GNA12: variants seen among roughly 807,000 people sequenced by gnomAD.
GNA12 encodes G protein subunit alpha 12.
GNA12 carries 9 observed loss-of-function variants against 26.0 expected under a neutral mutation model. That is an observed-to-expected ratio of 0.35 (90% CI 0.21 to 0.60). GNA12 has a LOEUF of 0.60. GNA12 is among the 20% of genes least tolerant of loss of function. GNA12 has a pLI of 0.78. For synonymous variants in GNA12, 264 were observed against 219.6 expected, an observed-to-expected ratio of 1.20 and a Z score of -1.79; for missense variants, 405 against 525.8, an observed-to-expected ratio of 0.77 and a Z score of 2.25.
Position 2,780,048 on chromosome 7 carries a change from G to GTGTATATATATATATATA in GNA12, c.525+14879_525+14880insTATATATATATATATACA, listed in dbSNP as rs748113158. On this transcript the variant is annotated intron_variant, in intron 2 of 3. Transcript: ENST00000275364. The stretch of plus-strand genomic sequence containing the variant: ...GTACTAGTTTTTTACACATTTCTGT[G>GTGTATATATATATATATA]TACATATATATATATATATATATAT... Among the ~76,000 whole-genome samples the GTGTATATATATATATATA allele has an allele frequency of 2.6e-3, 224 of 84,652 alleles. 9 individuals are homozygous for GTGTATATATATATATATA. The highest frequency in any genetic ancestry group is 7.5e-3 in the Middle Eastern group (1 of 134). The allele number at this position is 84,652 out of a possible 152,430, so 55.5% of individuals were successfully genotyped here. A position where few individuals can be genotyped will look rare whatever the true frequency, so the allele number is the denominator to read the frequency against.
intron 1 of GNA12, among the ~76,000 whole-genome samples, chr7:2,808,262 C>T (rs1467613812): frequency 2.6e-5 from 4 of 152,254 alleles, no homozygotes; most frequent in African/African-American, 7.2e-5. Context: ...ACCCGACACC[C>T]ACCTAGAGCA....
At chr7:2,746,897 G>A (rs1332616060) in intron 2 of GNA12, among the ~76,000 whole-genome samples, 4 of 152,252 alleles carry the variant, frequency 2.6e-5, no homozygotes, top group South Asian at 4.1e-4. Context: ...ACACCTCTAC[G>A]CAAATAAACT....
chr7:2,781,204 G>T (rs1157379382), intron 2 of GNA12, among the ~76,000 whole-genome samples: 1 of 152,130 alleles, frequency 6.6e-6, no homozygotes, highest in African/African-American at 2.4e-5. Context: ...AAAATATACA[G>T]CAGTTCTTAA....
intron 2 of GNA12, among the ~76,000 whole-genome samples, chr7:2,752,333 C>T (rs763147134): frequency 5.9e-5 from 9 of 152,190 alleles, no homozygotes; most frequent in Non-Finnish European, 8.8e-5. Context: ...CAACTAACAT[C>T]CTAAGTCATG....
intron 1 of GNA12, among the ~76,000 whole-genome samples, chr7:2,842,218 T>C (rs2114985205): frequency 6.6e-6 from 1 of 151,840 alleles, no homozygotes; most frequent in Middle Eastern, 3.4e-3. Context: ...GCTGCACTGT[T>C]CCCTCATCAT....
chr7:2,734,869 AG>A, intron 2 of GNA12, among the ~76,000 whole-genome samples: 1 of 152,280 alleles, frequency 6.6e-6, no homozygotes, highest in Middle Eastern at 3.4e-3. Context: ...GCAGAGGCCC[AG>A]CTCTGCAGTA....
Position 2,828,756 on chromosome 7 carries a change from T to C in GNA12, c.309+15097A>G, listed in dbSNP as rs570792403. ...GAGTCTTCTTTAGTGGATATACCCA[T>C]ATGAAAATGGCCTGCTTGGCCAGGC... is the stretch of plus-strand genomic sequence containing the variant. On this transcript the variant is annotated intron_variant, in intron 1 of 3. Transcript: ENST00000275364. Among the ~76,000 whole-genome samples, 22 of 152,310 alleles carry C rather than the reference T, an allele frequency of 1.4e-4. No individual in the cohort carries two copies. In the South Asian group the frequency reaches 4.1e-3, roughly 29 times the overall value.
chr7:2,829,986 C>A (rs1054235083), intron 1 of GNA12, among the ~76,000 whole-genome samples: 3 of 152,196 alleles, frequency 2.0e-5, no homozygotes, highest in African/African-American at 4.8e-5. Context: ...AGTGTCCCAA[C>A]CTCCAGTGGA....
chr7:2,831,263 G>A (rs1793599160), intron 1 of GNA12, among the ~76,000 whole-genome samples: 1 of 151,738 alleles, frequency 6.6e-6, no homozygotes, highest in African/African-American at 2.4e-5. Context: ...TCATCTCCCA[G>A]GGAGTTTTGC....
At chr7:2,748,143 G>A (rs978555008) in intron 2 of GNA12, among the ~76,000 whole-genome samples, 1 of 150,714 alleles carries the variant, frequency 6.6e-6, no homozygotes, top group Non-Finnish European at 1.5e-5. Flanking sequence ...TTTCTTCACA[G>A]AATTGGAAAA....
intron 1 of GNA12, among the ~76,000 whole-genome samples, chr7:2,816,921 C>A (rs1189835243): frequency 1.3e-5 from 2 of 152,222 alleles, no homozygotes; most frequent in Non-Finnish European, 2.9e-5. Flanking sequence ...CCCATCAAGT[C>A]AGTCTGGGTC....
At chr7:2,789,041 G>A (rs988270430) in intron 2 of GNA12, among the ~76,000 whole-genome samples, 5 of 151,038 alleles carry the variant, frequency 3.3e-5, no homozygotes, top group Non-Finnish European at 7.4e-5. Flanking sequence ...GGGTGGTCTT[G>A]AACTGACCTC....
chr7:2,733,847 G>C (rs1157311745), intron 2 of GNA12, among the ~76,000 whole-genome samples: 2 of 152,192 alleles, frequency 1.3e-5, no homozygotes, highest in African/African-American at 4.8e-5. Flanking sequence ...GGCCAGCAAA[G>C]GACAGGCTAG....
chr7:2,808,473 G>A (rs1279527003), intron 1 of GNA12, among the ~76,000 whole-genome samples: 1 of 152,214 alleles, frequency 6.6e-6, no homozygotes, highest in Non-Finnish European at 1.5e-5. Flanking sequence ...AGGTGCTGTG[G>A]GTTACCCTGG....
chr7:2,770,711 A>T (rs370569863), intron 2 of GNA12, among the ~76,000 whole-genome samples: 1 of 152,206 alleles, frequency 6.6e-6, no homozygotes, highest in Non-Finnish European at 1.5e-5. Flanking sequence ...ACAAAAACAA[A>T]GCAACATGGA....
chr7:2,759,466 A>C (rs1018997448), intron 2 of GNA12, among the ~76,000 whole-genome samples: 5 of 152,226 alleles, frequency 3.3e-5, no homozygotes, highest in Non-Finnish European at 7.3e-5. Context: ...GTGGTTAAAT[A>C]ACATGCCCAA....
chr7:2,817,902 T>G (rs1793252266), intron 1 of GNA12, among the ~76,000 whole-genome samples: 1 of 152,230 alleles, frequency 6.6e-6, no homozygotes, highest in African/African-American at 2.4e-5. Context: ...GTTTTATTTT[T>G]AAGTCTCCAT....
At chr7:2,775,513 G>C (rs1047056796) in intron 2 of GNA12, 1 of 152,198 alleles carries the variant, frequency 6.6e-6, no homozygotes, top group East Asian at 1.9e-4. Context: ...GTCGTGCCCA[G>C]TGTCTCGAAA....
chr7:2,769,407 G>A (rs1791891822), intron 2 of GNA12, among the ~76,000 whole-genome samples: 1 of 152,068 alleles, frequency 6.6e-6, no homozygotes, highest in Non-Finnish European at 1.5e-5. Flanking sequence ...GAACAGCTAG[G>A]TCAAAGAGTA....
Sources: allele counts gnomAD v4.1 joint callset (sites outside exome capture counted in the v4.1 genomes callset), GRCh38; gene constraint gnomAD v4.1.1; transcripts MANE v1.5; gene names NCBI Gene and HGNC (gene_info 2026-07-23, HGNC 2026-07-21).